EMC8: variants seen among roughly 807,000 people sequenced by gnomAD.
The protein encoded by EMC8 is ER membrane protein complex subunit 8, also known as COX4 neighbor.
EMC8 carries 11 observed loss-of-function variants against 24.3 expected under a neutral mutation model. The ratio of observed to expected loss-of-function variants is 0.45; its 90% CI spans 0.28 to 0.75. EMC8 has a LOEUF of 0.75. Ranked by LOEUF, EMC8 falls within the 30% of genes least tolerant of loss-of-function variation. The pLI is 0.12. For missense variants in EMC8, 277 were observed against 282.7 expected, an observed-to-expected ratio of 0.98 and a Z score of 0.14; for synonymous variants, 145 against 117.7, an observed-to-expected ratio of 1.23 and a Z score of -1.50.
In EMC8 at chr16:85,795,693, G is replaced by A. The variant is rs143666258; in HGVS notation, c.231+3372C>T. On this transcript the variant is annotated intron_variant, in intron 1 of 4. Coordinates refer to ENST00000253457, the MANE Select transcript of EMC8 (RefSeq NM_006067.5). Reference sequence around the variant, plus strand: ...TGTCTCTTCATCTGTATCCTTTGCAGTGTCCTGTATAATAAACCCATAAAC... The same window carrying A: ...TGTCTCTTCATCTGTATCCTTTGCAATGTCCTGTATAATAAACCCATAAAC... Among the ~76,000 whole-genome samples, 563 of 152,294 alleles carry A rather than the reference G, an allele frequency of 3.7e-3. 6 individuals are homozygous for A. The highest frequency in any genetic ancestry group is 0.013 in the African/African-American group (541 of 41,550).
intron 4 of EMC8, 44 bp from the exon 5 acceptor site, chr16:85,779,911 G>T: frequency 6.3e-7 from 1 of 1,596,860 alleles, no homozygotes. Flanking sequence ...CAGTGAAAAC[G>T]GGCGGCTTGT....
chr16:85,779,941 G>T (rs1369840959), intron 4 of EMC8, 74 bp from the exon 5 acceptor site: 2 of 1,280,844 alleles, frequency 1.6e-6, no homozygotes, highest in Non-Finnish European at 1.1e-6. Context: ...AAGAGAGAAG[G>T]CCAGCCACAT....
intron 2 of EMC8, chr16:85,784,465 T>C (rs529954674): frequency 1.3e-5 from 2 of 152,342 alleles, no homozygotes; most frequent in East Asian, 1.9e-4. Flanking sequence ...GTTTTCAAAA[T>C]TGACAAAGTG....
intron 1 of EMC8, 37 bp from the exon 2 acceptor site, chr16:85,789,087 C>G (rs774351547): frequency 1.5e-6 from 2 of 1,363,034 alleles, no homozygotes; most frequent in Non-Finnish European, 2.1e-6. Context: ...AGATGAATGA[C>G]TCTCCCTTAA....
rs1567837497 is a variant in EMC8, at chr16:85,799,194, C to T, written c.102G>A (p.Lys34=). 4 of 1,613,156 alleles carry T rather than the reference C, an allele frequency of 2.5e-6. No individual in the cohort carries two copies. Among genetic ancestry groups the T allele is most frequent in the East Asian group, 4.5e-5 (2 of 44,874 alleles). The change falls in exon 1 of 5, where the codon AAG becomes AAA. Residue 34 remains lysine, a synonymous_variant. Transcript: ENST00000253457. This position sits in a 1 kb window ranked among gnomAD's most constrained non-coding sequence, Gnocchi z 4.2. ...GGAGGTGCTCCTTACGCGGCTTCTG[C>T]TTCTCGGCCACCAGGAGCCCGTTGA... ...CAVNGLLVAE[K]QKPRKEHLPL... is the part of the protein sequence containing the mutation.
intron 2 of EMC8, 142 bp downstream of exon 2, chr16:85,788,832 C>T (rs746918196): frequency 1.8e-5 from 12 of 673,324 alleles, no homozygotes; most frequent in South Asian, 4.9e-5. Flanking sequence ...CACCACAGTT[C>T]GCCTCAAATA....
chr16:85,783,685 A>C (rs1474678961), intron 2 of EMC8, among the ~76,000 whole-genome samples: 2 of 152,134 alleles, frequency 1.3e-5, no homozygotes, highest in African/African-American at 4.8e-5. Context: ...AATGTCAGGA[A>C]ATCTGCCTAC....
intron 2 of EMC8, among the ~76,000 whole-genome samples, chr16:85,786,383 T>C (rs889504825): frequency 6.6e-6 from 1 of 152,288 alleles, no homozygotes; most frequent in Middle Eastern, 3.4e-3. Context: ...AAGTCAGAAG[T>C]TGGCATGATC....
chr16:85,788,962 G>A lies in EMC8; in HGVS notation c.308+12C>T, dbSNP rs370152957. ...CACTTCCTCGCCCACAGAGGGTTCT[G>A]CATCCACGTACCTGGCATCCTTTAC... is the stretch of plus-strand genomic sequence containing the variant. On this transcript the variant is annotated intron_variant, in intron 2 of 4. Transcript: ENST00000253457. The A allele has an allele frequency of 1.1e-5, 18 of 1,597,372 alleles. No homozygotes were observed. The highest frequency in any genetic ancestry group is 4.5e-5 in the East Asian group (2 of 44,818).
intron 2 of EMC8, among the ~76,000 whole-genome samples, chr16:85,788,488 A>G (rs954201053): frequency 2.0e-5 from 3 of 152,242 alleles, no homozygotes; most frequent in African/African-American, 7.2e-5. Flanking sequence ...TATTAGCGAG[A>G]GCCCCAGTTG....
intron 2 of EMC8, chr16:85,784,396 T>G (rs1033190969): frequency 1.1e-4 from 16 of 152,232 alleles, no homozygotes; most frequent in African/African-American, 3.9e-4. Context: ...GTGATTAGGC[T>G]AAAAAAAATT....
In EMC8 at chr16:85,779,810, G is replaced by A. The variant is rs1904403284; in HGVS notation, c.531C>T (p.Ser177=). The A allele has an allele frequency of 6.2e-7, 1 of 1,614,106 alleles. No homozygotes were observed. The highest frequency in any genetic ancestry group is 8.5e-7 in the Non-Finnish European group (1 of 1,179,966). ...AQRISASLLD[S]RSYETLVDFD... is the part of the protein sequence containing the mutation. ...AATCCACGAGCGTCTCGTAGGACCG[G>A]CTGTCCAGGAGCGAGGCTGAGATCC... The change falls in exon 5 of 5, where the codon AGC becomes AGT. Residue 177 remains serine, a synonymous_variant. Coordinates refer to ENST00000253457, the MANE Select transcript of EMC8 (RefSeq NM_006067.5).
In EMC8 at chr16:85,799,488, T is replaced by A; in HGVS notation, c.-193A>T. Reference sequence around the variant, plus strand: ...CTCCTGGAAAAGCGACTCGCGCCTCTGGGAAGCCGCAGCCCCAGACTCCAG... The same window carrying A: ...CTCCTGGAAAAGCGACTCGCGCCTCAGGGAAGCCGCAGCCCCAGACTCCAG... On this transcript the variant is annotated 5_prime_UTR_variant, in exon 1 of 5. Coordinates refer to ENST00000253457, the MANE Select transcript of EMC8 (RefSeq NM_006067.5). This position sits in a 1 kb window ranked among gnomAD's most constrained non-coding sequence, Gnocchi z 4.2. The A allele has an allele frequency of 2.5e-6, 1 of 399,654 alleles. No individual in the cohort carries two copies. The highest frequency in any genetic ancestry group is 4.4e-6 in the Non-Finnish European group (1 of 228,024). 24.8% of individuals were successfully genotyped at this position (399,654 alleles called of 1,614,324 possible).
chr16:85,779,674 G>T lies in EMC8; in HGVS notation c.*34C>A. 1.2e-6 allele frequency: 2 copies of T among 1,603,640 alleles called. No homozygotes were observed. The highest frequency in any genetic ancestry group is 1.7e-6 in the Non-Finnish European group (2 of 1,170,816). On this transcript the variant is annotated 3_prime_UTR_variant, in exon 5 of 5. Transcript: ENST00000253457. ...ATAGGTTTTCTTCTTCAACGTAGTG[G>T]AAAGGCCCGGAGCCCAGTCACAGCG...
chr16:85,781,136 A>C, intron 3 of EMC8, 75 bp downstream of exon 3: 1 of 1,058,300 alleles, frequency 9.4e-7, no homozygotes, highest in South Asian at 1.3e-5. Context: ...CGGAAAGGAA[A>C]CCGCCGCAGA....
rs879349757 is a variant in EMC8, at chr16:85,789,798, C to CA, written c.232-749dup. On this transcript the variant is annotated intron_variant, in intron 1 of 4. Coordinates refer to ENST00000253457, the MANE Select transcript of EMC8 (RefSeq NM_006067.5). ...CAAGAGTGAAACTCCGTCTCCGTCT[C>CA]AAAAAAAAAAAAAAAAGTCTTTTAT... Among the ~76,000 whole-genome samples the CA allele has an allele frequency of 4.5e-3, 458 of 101,094 alleles. 2 individuals are homozygous for CA. The highest frequency in any genetic ancestry group is 7.2e-3 in the African/African-American group (196 of 27,372). 66.3% of individuals were successfully genotyped at this position (101,094 alleles called of 152,430 possible).
chr16:85,779,481 C>G lies in EMC8; in HGVS notation c.*227G>C. Reference sequence around the variant, plus strand: ...TTTGGAGGATTATAGCAACATACAACTGAGAGAGTCCACAGGGACAGTCAG... The same window carrying G: ...TTTGGAGGATTATAGCAACATACAAGTGAGAGAGTCCACAGGGACAGTCAG... On this transcript the variant is annotated 3_prime_UTR_variant, in exon 5 of 5. Transcript: ENST00000253457. 1 of 483,856 alleles carries G rather than the reference C, an allele frequency of 2.1e-6. No homozygotes were observed. 30.0% of individuals were successfully genotyped at this position (483,856 alleles called of 1,614,324 possible).
chr16:85,780,932 T>A, intron 3 of EMC8: 1 of 514,230 alleles, frequency 1.9e-6, no homozygotes, highest in Non-Finnish European at 3.5e-6. Context: ...TTCAGTGGGG[T>A]CTGGGGTGGG....
In EMC8 at chr16:85,780,444, G is replaced by A. The variant is rs146805408; in HGVS notation, c.408C>T (p.Cys136=). Residue 136 remains cysteine (C), a synonymous_variant, in exon 4 of 5, where the codon TGC becomes TGT. Transcript: ENST00000253457. The part of the protein sequence containing the change: ...MVDNTKFTMD[C]VAPTIHVYEH... ...CGTACACGTGGATCGTAGGCGCTAC[G>A]CAGTCCATCGTAAACTTGGTGTTGT... 3.1e-4 allele frequency: 496 copies of A among 1,613,938 alleles called. No individual in the cohort carries two copies. Among genetic ancestry groups the A allele is most frequent in the Non-Finnish European group, 3.8e-4 (445 of 1,179,922 alleles).
Sources: gnomAD v4.1 joint callset for allele counts (sites outside exome capture counted in the v4.1 genomes callset) on GRCh38, gnomAD v4.1.1 for gene constraint, Gnocchi (gnomAD v3.1) non-coding constraint, MANE v1.5 for transcripts, NCBI Gene and HGNC (gene_info 2026-07-23, HGNC 2026-07-21) for gene names.